MAGI1: variants seen among roughly 807,000 people sequenced by gnomAD.
MAGI1 encodes membrane-associated guanylate kinase, WW and PDZ domain-containing protein 1.
MAGI1 carries 58 observed loss-of-function variants against 139.9 expected under a neutral mutation model. The observed-to-expected ratio is 0.41, with a 90% CI of 0.34 to 0.52. The LOEUF is 0.52. Ranked by LOEUF, MAGI1 falls within the 20% of genes least tolerant of loss-of-function variation. MAGI1 has a pLI of 0.12. For missense variants in MAGI1, 1,874 were observed against 1,901.6 expected, an observed-to-expected ratio of 0.99 and a Z score of 0.27; for synonymous variants, 812 against 737.9, an observed-to-expected ratio of 1.10 and a Z score of -1.63.
At chr3:65,974,804 G>T (rs138141808) in intron 1 of MAGI1, among the ~76,000 whole-genome samples, 1,665 of 152,232 alleles carry the variant, frequency 0.011, 29 homozygotes, top group African/African-American at 0.038. Context: ...AGGATGACTA[G>T]GACAGAAGGC....
At chr3:65,821,403 C>T (rs985889576) in intron 1 of MAGI1, among the ~76,000 whole-genome samples, 1 of 152,152 alleles carries the variant, frequency 6.6e-6, no homozygotes, top group Non-Finnish European at 1.5e-5. Context: ...TTAACGTCCA[C>T]GTCTGCCATG....
intron 9 of MAGI1, among the ~76,000 whole-genome samples, chr3:65,439,605 A>C (rs4618170): frequency 6.6e-6 from 1 of 152,150 alleles, no homozygotes; most frequent in Non-Finnish European, 1.5e-5. Flanking sequence ...GGGGGCAAGA[A>C]ATTTCCTCCC....
intron 1 of MAGI1, chr3:65,843,761 G>A (rs35930869): frequency 0.5 from 83,513 of 165,448 alleles, 21,896 homozygotes; most frequent in East Asian, 0.77. Context: ...AAAACAGAAT[G>A]GAACTAAAAG....
intron 1 of MAGI1, among the ~76,000 whole-genome samples, chr3:65,990,304 G>A (rs2107351376): frequency 6.6e-6 from 1 of 152,252 alleles, no homozygotes; most frequent in Non-Finnish European, 1.5e-5. Flanking sequence ...GGCAAAAATG[G>A]AAAAGTTAAA....
At chr3:65,917,275 CA>C (rs2061950414) in intron 1 of MAGI1, among the ~76,000 whole-genome samples, 2 of 152,106 alleles carry the variant, frequency 1.3e-5, no homozygotes, top group Admixed American at 1.3e-4. Context: ...TTAGCAAAGC[CA>C]AAATCCTAAA....
At chr3:65,633,269 G>A (rs936853905) in intron 1 of MAGI1, among the ~76,000 whole-genome samples, 14 of 152,096 alleles carry the variant, frequency 9.2e-5, no homozygotes, top group African/African-American at 2.7e-4. Flanking sequence ...CTCCAGACAC[G>A]GGGTACCTCA....
intron 1 of MAGI1, among the ~76,000 whole-genome samples, chr3:65,776,168 T>C (rs554582868): frequency 2.2e-4 from 33 of 152,080 alleles, no homozygotes; most frequent in African/African-American, 7.2e-4. Flanking sequence ...ACATAGGTGG[T>C]GCAGAAAGTA....
intron 2 of MAGI1, among the ~76,000 whole-genome samples, chr3:65,555,692 C>T (rs1024558397): frequency 1.3e-5 from 2 of 151,976 alleles, no homozygotes; most frequent in African/African-American, 4.8e-5. Flanking sequence ...CCCGTCTCTA[C>T]AAAAAAATAA....
At chr3:65,490,156 G>A (rs991488695) in intron 3 of MAGI1, among the ~76,000 whole-genome samples, 1 of 152,204 alleles carries the variant, frequency 6.6e-6, no homozygotes, top group Non-Finnish European at 1.5e-5. Context: ...CTGAAGGAGA[G>A]CTTACATGTG....
chr3:65,438,117 G>A (rs1392897945), intron 9 of MAGI1, among the ~76,000 whole-genome samples: 1 of 152,148 alleles, frequency 6.6e-6, no homozygotes, highest in Admixed American at 6.5e-5. Flanking sequence ...CAAAGATACA[G>A]AATCAACCTA....
intron 14 of MAGI1, among the ~76,000 whole-genome samples, chr3:65,386,233 G>A (rs1252148205): frequency 1.6e-5 from 2 of 123,508 alleles, no homozygotes; most frequent in Non-Finnish European, 3.3e-5. Flanking sequence ...TTATCACACC[G>A]TTTAGGCCAC....
intron 1 of MAGI1, among the ~76,000 whole-genome samples, chr3:65,696,741 T>C (rs1417021821): frequency 2.6e-5 from 4 of 152,106 alleles, no homozygotes; most frequent in East Asian, 3.9e-4. Flanking sequence ...CACCACAGCA[T>C]ACATATAATA....
chr3:65,699,485 C>T (rs1156278703), intron 1 of MAGI1, among the ~76,000 whole-genome samples: 2 of 138,450 alleles, frequency 1.4e-5, no homozygotes, highest in South Asian at 2.3e-4. Context: ...CCCAAATGTC[C>T]AACAATGATA....
intron 1 of MAGI1, among the ~76,000 whole-genome samples, chr3:65,944,565 T>C (rs1197769467): frequency 6.6e-6 from 1 of 151,908 alleles, no homozygotes; most frequent in Admixed American, 6.6e-5. Flanking sequence ...AGCTTTCCAA[T>C]GCCTTTTTTT....
intron 2 of MAGI1, among the ~76,000 whole-genome samples, chr3:65,588,190 C>G (rs2081786270): frequency 6.6e-6 from 1 of 152,186 alleles, no homozygotes. Context: ...GCCGGAAACT[C>G]TATGCTCCTT....
intron 1 of MAGI1, among the ~76,000 whole-genome samples, chr3:65,879,954 G>T (rs1306840723): frequency 6.6e-6 from 1 of 152,176 alleles, no homozygotes; most frequent in Non-Finnish European, 1.5e-5. Flanking sequence ...CATGGCATCA[G>T]CTACTAGAAT....
At chr3:66,030,539 T>C (rs1424653580) in intron 1 of MAGI1, among the ~76,000 whole-genome samples, 1 of 152,046 alleles carries the variant, frequency 6.6e-6, no homozygotes, top group Non-Finnish European at 1.5e-5. Flanking sequence ...TGGAGTAAAA[T>C]AAAGCTGAGA....
chr3:65,799,904 T>C (rs2040407247), intron 1 of MAGI1, among the ~76,000 whole-genome samples: 1 of 152,212 alleles, frequency 6.6e-6, no homozygotes, highest in Non-Finnish European at 1.5e-5. Flanking sequence ...AGAAGATGTC[T>C]GGAAGTTGAA....
intron 1 of MAGI1, among the ~76,000 whole-genome samples, chr3:66,023,777 A>G (rs993829881): frequency 3.9e-5 from 6 of 152,222 alleles, no homozygotes; most frequent in African/African-American, 1.4e-4. Flanking sequence ...CACATTTCAC[A>G]ATCAAATCAC....
Sources: gnomAD v4.1 joint callset for allele counts (sites outside exome capture counted in the v4.1 genomes callset) on GRCh38, gnomAD v4.1.1 for gene constraint, MANE v1.5 for transcripts, NCBI Gene and HGNC (gene_info 2026-07-23, HGNC 2026-07-21) for gene names.